CNTRL: variants seen among roughly 807,000 people sequenced by gnomAD.
The protein encoded by CNTRL is 110 kDa centrosomal protein.
CNTRL carries 233 observed loss-of-function variants against 303.7 expected under a neutral mutation model. The ratio of observed to expected loss-of-function variants is 0.77; its 90% CI spans 0.69 to 0.86. The LOEUF is 0.86. Among genes scored for constraint, CNTRL ranks in the 40% least tolerant of loss-of-function variants. The probability of loss-of-function intolerance (pLI) is 0.00; values close to 1 mark genes in which losing one functional copy is unlikely to be tolerated. For synonymous variants in CNTRL, 900 were observed against 922.2 expected (o/e 0.98, Z 0.44); for missense variants, 2,524 against 2,650.6 (o/e 0.95, Z 1.05).
chr9:121,099,578 G>T (rs7020643), intron 7 of CNTRL, among the ~76,000 whole-genome samples: 2 of 152,052 alleles, frequency 1.3e-5, no homozygotes, highest in Non-Finnish European at 2.9e-5. Context: ...GAAAGAAGAA[G>T]GCTTCAGAAG....
intron 30 of CNTRL, 113 bp from the exon 31 acceptor site, chr9:121,158,742 T>TG: frequency 1.9e-6 from 2 of 1,032,814 alleles, no homozygotes; most frequent in Non-Finnish European, 2.9e-6. Flanking sequence ...TTCTGACTCT[T>TG]GGGGGCTAGG....
chr9:121,125,615 T>G, intron 13 of CNTRL, 101 bp from the exon 14 acceptor site: 1 of 1,031,540 alleles, frequency 9.7e-7, no homozygotes, highest in Non-Finnish European at 1.5e-6. Flanking sequence ...TAGGAAAGAA[T>G]TGAAAGCTTA....
chr9:121,106,992 T>G (rs573147906), intron 7 of CNTRL, among the ~76,000 whole-genome samples: 13 of 152,266 alleles, frequency 8.5e-5, no homozygotes, highest in African/African-American at 3.1e-4. Context: ...AGATGTAGTT[T>G]CTGCTTTTGT....
chr9:121,084,464 T>C (rs1277180942), intron 2 of CNTRL, among the ~76,000 whole-genome samples: 1 of 152,190 alleles, frequency 6.6e-6, no homozygotes, highest in Non-Finnish European at 1.5e-5. Context: ...TGCTAGGCTC[T>C]GTTCGAGGCC....
chr9:121,160,742 G>C (rs1366719174), intron 32 of CNTRL, among the ~76,000 whole-genome samples: 1 of 152,190 alleles, frequency 6.6e-6, no homozygotes, highest in Non-Finnish European at 1.5e-5. Flanking sequence ...CTCTTTGGGA[G>C]GCTGAGGCAA....
intron 27 of CNTRL, among the ~76,000 whole-genome samples, chr9:121,156,109 A>G (rs1458093923): frequency 2.6e-5 from 4 of 151,870 alleles, no homozygotes; most frequent in African/African-American, 9.7e-5. Context: ...TCACTGGTAT[A>G]ATAATATATA....
At chr9:121,100,577 A>G (rs901919258) in intron 7 of CNTRL, among the ~76,000 whole-genome samples, 7 of 152,364 alleles carry the variant, frequency 4.6e-5, no homozygotes, top group African/African-American at 1.7e-4. Flanking sequence ...TTAAATGTAA[A>G]TGGGCTAAAT....
intron 43 of CNTRL, among the ~76,000 whole-genome samples, chr9:121,176,661 G>A (rs1490377666): frequency 6.6e-6 from 1 of 152,232 alleles, no homozygotes; most frequent in Non-Finnish European, 1.5e-5. Flanking sequence ...CCAACGCACA[G>A]TGGGTAGGGG....
chr9:121,160,452 T>TGTG, intron 32 of CNTRL, 150 bp downstream of exon 32: 3 of 337,268 alleles, frequency 8.9e-6, no homozygotes, highest in Non-Finnish European at 1.5e-5. Flanking sequence ...AGGAATATGA[T>TGTG]ATTTTCTGCC....
At chr9:121,119,604 T>G (rs2050141062) in intron 12 of CNTRL, among the ~76,000 whole-genome samples, 1 of 148,808 alleles carries the variant, frequency 6.7e-6, no homozygotes, top group Non-Finnish European at 1.5e-5. Context: ...GAAGCGATTC[T>G]CCTGCCTCAG....
intron 7 of CNTRL, among the ~76,000 whole-genome samples, chr9:121,106,246 A>G (rs1160322939): frequency 6.6e-6 from 1 of 151,624 alleles, no homozygotes; most frequent in Non-Finnish European, 1.5e-5. Context: ...AGCTGAGAGA[A>G]GAGAATCACT....
At position 121,167,687 on chromosome 9, in the gene CNTRL, A is replaced by G. The variant is rs2053149174; in HGVS notation, c.5844+10A>G. ...AGTCCAACAAGAAATGGTACTACACATTTATGATTTTACATAAAAAAAGCA... is the reference window on the plus strand; with the variant it reads ...AGTCCAACAAGAAATGGTACTACACGTTTATGATTTTACATAAAAAAAGCA... On this transcript the variant is annotated intron_variant, in intron 37 of 43. Transcript: ENST00000373855. 6.2e-7 allele frequency: 1 copy of G among 1,602,304 alleles called. No homozygotes were observed. Among genetic ancestry groups the G allele is most frequent in the Non-Finnish European group, 8.5e-7 (1 of 1,174,806 alleles).
intron 2 of CNTRL, among the ~76,000 whole-genome samples, chr9:121,086,070 G>A (rs555814646): frequency 1.3e-5 from 2 of 152,342 alleles, no homozygotes; most frequent in African/African-American, 4.8e-5. Flanking sequence ...GGCAGTAGCT[G>A]TGACGATGGA....
rs190604074 is a variant in CNTRL at position 121,124,235 on chromosome 9, G to A, written c.1804+151G>A. 2.5e-5 allele frequency: 18 copies of A among 710,116 alleles called. No individual in the cohort carries two copies. In the Admixed American group the frequency reaches 6.1e-4, roughly 24 times the overall value. 44.0% of individuals were successfully genotyped at this position (710,116 alleles called of 1,614,324 possible). On this transcript the variant is annotated intron_variant, in intron 13 of 43. Coordinates refer to ENST00000373855, the MANE Select transcript of CNTRL (RefSeq NM_007018.6). Reference sequence around the variant, plus strand: ...GGAAATATTTACAGGATACCCAAAAGTAGTTAATGCAATTTTAAGAGTTTT... The same window carrying A: ...GGAAATATTTACAGGATACCCAAAAATAGTTAATGCAATTTTAAGAGTTTT...
chr9:121,173,815 C>A (rs2053413348), intron 42 of CNTRL, 78 bp downstream of exon 42: 2 of 1,312,144 alleles, frequency 1.5e-6, no homozygotes, highest in Non-Finnish European at 1.1e-6. Flanking sequence ...TTACATTTAC[C>A]TGATGCTTTC....
At chr9:121,123,908 G>A in intron 12 of CNTRL, 23 bp from the exon 13 acceptor site, 2 of 1,528,892 alleles carry the variant, frequency 1.3e-6, no homozygotes, top group South Asian at 1.3e-5. Flanking sequence ...TTGGAGTTTT[G>A]TTGATTTTTT....
chr9:121,092,282 A>G (rs1055402774), intron 4 of CNTRL, among the ~76,000 whole-genome samples: 1 of 143,926 alleles, frequency 6.9e-6, no homozygotes, highest in African/African-American at 2.6e-5. Flanking sequence ...GATTTTGCCC[A>G]TTGTGTTCAC....
At chr9:121,166,024 C>G (rs1431218538) in intron 35 of CNTRL, 83 bp from the exon 36 acceptor site, 5 of 1,032,538 alleles carry the variant, frequency 4.8e-6, no homozygotes, top group African/African-American at 3.3e-5. Flanking sequence ...AAAACAACTT[C>G]TCTACTTTTT....
chr9:121,091,884 CTTTT>C (rs148922615), intron 4 of CNTRL, among the ~76,000 whole-genome samples: 1 of 74,960 alleles, frequency 1.3e-5, no homozygotes, highest in South Asian at 4.8e-4. Context: ...GAGGTCTTCT[CTTTT>C]TTTTTTTTTT....
Sources: gnomAD v4.1 joint callset for allele counts (sites outside exome capture counted in the v4.1 genomes callset) on GRCh38, gnomAD v4.1.1 for gene constraint, MANE v1.5 for transcripts, NCBI Gene and HGNC (gene_info 2026-07-23, HGNC 2026-07-21) for gene names.